The following SDK1 variants were observed in gnomAD, a reference collection of about 807,000 sequenced individuals.
The protein encoded by SDK1 is protein sidekick-1.
SDK1 carries 157 observed loss-of-function variants against 245.5 expected under a neutral mutation model. The observed-to-expected ratio is 0.64, with a 90% CI of 0.56 to 0.73. The LOEUF (loss-of-function observed/expected upper bound fraction) is 0.73. SDK1 is among the 30% of genes least tolerant of loss of function. The pLI is 0.00. For missense variants in SDK1, 3,583 were observed against 3,002.3 expected (o/e 1.19, Z -4.52); for synonymous variants, 1,647 against 1,278.5 (o/e 1.29, Z -6.15).
chr7:3,968,536 GC>G (rs1156402999), intron 10 of SDK1, among the ~76,000 whole-genome samples: 2 of 152,144 alleles, frequency 1.3e-5, no homozygotes, highest in African/African-American at 4.8e-5. Context: ...ACAGGGCTGG[GC>G]TTTTATTCTC....
At chr7:4,011,218 C>T (rs955261121) in intron 15 of SDK1, 105 bp downstream of exon 15, 1 of 1,407,852 alleles carries the variant, frequency 7.1e-7, no homozygotes, top group African/African-American at 1.4e-5. Flanking sequence ...AACCCGCTGG[C>T]TTCCCTCAGG....
At chr7:4,051,313 TATATA>T (rs2128166643) in intron 18 of SDK1, among the ~76,000 whole-genome samples, 1 of 147,120 alleles carries the variant, frequency 6.8e-6, no homozygotes, top group African/African-American at 2.5e-5. Context: ...ATATATGTAA[TATATA>T]TTATATATAT....
At chr7:3,580,441 A>C (rs891891143) in intron 1 of SDK1, among the ~76,000 whole-genome samples, 2 of 152,212 alleles carry the variant, frequency 1.3e-5, no homozygotes, top group Admixed American at 6.5e-5. Flanking sequence ...GTACAAAGAC[A>C]GACACATAGA....
intron 3 of SDK1, among the ~76,000 whole-genome samples, chr7:3,641,162 A>G (rs1357761209): frequency 6.6e-6 from 1 of 152,230 alleles, no homozygotes; most frequent in Non-Finnish European, 1.5e-5. Flanking sequence ...CATTGATAAT[A>G]GAGCACTTCT....
At chr7:3,781,110 A>C (rs1008254248) in intron 4 of SDK1, among the ~76,000 whole-genome samples, 4 of 152,090 alleles carry the variant, frequency 2.6e-5, no homozygotes, top group African/African-American at 9.7e-5. Context: ...ATCCTGAATC[A>C]TGAATTTCCT....
intron 32 of SDK1, among the ~76,000 whole-genome samples, chr7:4,171,724 C>T (rs569478173): frequency 1.6e-4 from 24 of 152,208 alleles, no homozygotes; most frequent in Non-Finnish European, 3.1e-4. Flanking sequence ...AGATAATAGC[C>T]CAACTCCACC....
rs1780307546 is a variant in SDK1, at chr7:3,768,146, G to A, written c.714-53304G>A. ...TAACGTGCCATTTATTATTCTGGTT[G>A]GTAGTTTAGCAACCAGCTTTCTAAT... On this transcript the variant is annotated intron_variant, in intron 4 of 44. Coordinates refer to ENST00000404826, the MANE Select transcript of SDK1 (RefSeq NM_152744.4). 3.3e-5 allele frequency among the ~76,000 whole-genome samples: 5 copies of A among 152,144 alleles called. 1 individual carries two copies. The highest frequency in any genetic ancestry group is 3.3e-4 in the Admixed American group (5 of 15,274).
intron 22 of SDK1, among the ~76,000 whole-genome samples, chr7:4,089,630 T>C (rs899422827): frequency 1.3e-4 from 20 of 152,298 alleles, no homozygotes; most frequent in African/African-American, 4.6e-4. Flanking sequence ...GGAAGCTCCG[T>C]CACGTGGAGC....
intron 1 of SDK1, among the ~76,000 whole-genome samples, chr7:3,425,611 T>C (rs544482788): frequency 1.4e-4 from 22 of 152,332 alleles, no homozygotes; most frequent in African/African-American, 5.1e-4. Context: ...TTAATGGGAA[T>C]GAACAATACA....
At chr7:3,643,577 A>T (rs891139067) in intron 4 of SDK1, 1 of 143,284 alleles carries the variant, frequency 7.0e-6, no homozygotes, top group Non-Finnish European at 1.5e-5. Flanking sequence ...CCTTCCCTAA[A>T]CCTGGTGATT....
chr7:4,087,501 A>G (rs560358045), intron 22 of SDK1, among the ~76,000 whole-genome samples: 2 of 151,404 alleles, frequency 1.3e-5, no homozygotes, highest in East Asian at 3.9e-4. Context: ...ACACACACGC[A>G]TTGCTTGACT....
At chr7:3,992,366 C>T (rs1230375713) in intron 14 of SDK1, among the ~76,000 whole-genome samples, 2 of 152,198 alleles carry the variant, frequency 1.3e-5, no homozygotes, top group Non-Finnish European at 2.9e-5. Flanking sequence ...TGATGGTTCT[C>T]CTGTCCCAGG....
At chr7:3,846,454 T>C (rs1780280462) in intron 5 of SDK1, among the ~76,000 whole-genome samples, 1 of 152,190 alleles carries the variant, frequency 6.6e-6, no homozygotes, top group Non-Finnish European at 1.5e-5. Flanking sequence ...ATATGGCACA[T>C]TCATCTTGGA....
At chr7:4,090,758 G>A (rs558816283) in intron 22 of SDK1, among the ~76,000 whole-genome samples, 15 of 152,258 alleles carry the variant, frequency 9.9e-5, no homozygotes, top group Middle Eastern at 3.4e-3. Flanking sequence ...TGCTACTGGG[G>A]CATCACTGCT....
intron 1 of SDK1, among the ~76,000 whole-genome samples, chr7:3,411,867 C>A (rs961834834): frequency 6.6e-6 from 1 of 151,900 alleles, no homozygotes; most frequent in Non-Finnish European, 1.5e-5. Flanking sequence ...AGGTATGAAC[C>A]CATTGCCTAG....
chr7:3,720,145 A>G (rs1025887781), intron 4 of SDK1, among the ~76,000 whole-genome samples: 9 of 151,918 alleles, frequency 5.9e-5, no homozygotes, highest in Non-Finnish European at 1.2e-4. Flanking sequence ...AAAACCAGCC[A>G]CTCGGGAGGC....
At chr7:3,437,974 C>G (rs1027083482) in intron 1 of SDK1, among the ~76,000 whole-genome samples, 4 of 152,072 alleles carry the variant, frequency 2.6e-5, no homozygotes, top group Non-Finnish European at 4.4e-5. Flanking sequence ...CTTTTACACT[C>G]TCTCATTTAA....
chr7:3,841,995 C>T (rs1047048206), intron 5 of SDK1, among the ~76,000 whole-genome samples: 1 of 152,220 alleles, frequency 6.6e-6, no homozygotes, highest in African/African-American at 2.4e-5. Context: ...AGTACTGACA[C>T]CTCTCCTCCA....
chr7:3,478,754 C>G (rs1026132397), intron 1 of SDK1, among the ~76,000 whole-genome samples: 1 of 151,974 alleles, frequency 6.6e-6, no homozygotes, highest in East Asian at 1.9e-4. Flanking sequence ...CGTTCCTTTC[C>G]TAATTGTTAA....
Sources: gnomAD v4.1 joint callset for allele counts (sites outside exome capture counted in the v4.1 genomes callset) on GRCh38, gnomAD v4.1.1 for gene constraint, MANE v1.5 for transcripts, NCBI Gene and HGNC (gene_info 2026-07-23, HGNC 2026-07-21) for gene names.